FAM168A: variants seen among roughly 807,000 people sequenced by gnomAD.
The protein encoded by FAM168A is family with sequence similarity 168 member A.
FAM168A carries 3 observed loss-of-function variants against 28.5 expected under a neutral mutation model. The ratio of observed to expected loss-of-function variants is 0.11; its 90% CI spans 0.05 to 0.27. The LOEUF (loss-of-function observed/expected upper bound fraction) is 0.27, where lower values mean the gene tolerates loss of function less well. Ranked by LOEUF, FAM168A falls within the 10% of genes least tolerant of loss-of-function variation. The probability of loss-of-function intolerance (pLI) is 1.00; values close to 1 mark genes in which losing one functional copy is unlikely to be tolerated. For synonymous variants in FAM168A, 122 were observed against 124.2 expected, an observed-to-expected ratio of 0.98 and a Z score of 0.12; for missense variants, 222 against 311.5, an observed-to-expected ratio of 0.71 and a Z score of 2.16.
At chr11:73,591,449 AC>A (rs1944381071) in intron 1 of FAM168A, among the ~76,000 whole-genome samples, 1 of 152,186 alleles carries the variant, frequency 6.6e-6, no homozygotes, top group African/African-American at 2.4e-5. Flanking sequence ...AATGTTAGGT[AC>A]CTTTTGTCTT....
intron 1 of FAM168A, among the ~76,000 whole-genome samples, chr11:73,468,937 A>C (rs1044401045): frequency 6.6e-6 from 1 of 152,232 alleles, no homozygotes; most frequent in Non-Finnish European, 1.5e-5. Flanking sequence ...TCTACGGTTC[A>C]CTAGAGGAGC....
At chr11:73,577,319 TTAAC>T (rs140845737) in intron 1 of FAM168A, among the ~76,000 whole-genome samples, 2,029 of 152,342 alleles carry the variant, frequency 0.013, 44 homozygotes, top group African/African-American at 0.045. Flanking sequence ...ACACAGCTAC[TTAAC>T]TAATATCTGA....
chr11:73,517,633 T>C lies in FAM168A; in HGVS notation c.-18-49141A>G, dbSNP rs144482359. Among the ~76,000 whole-genome samples, 889 of 152,290 alleles carry C rather than the reference T, an allele frequency of 5.8e-3. 7 individuals are homozygous for C. Among genetic ancestry groups the C allele is most frequent in the Middle Eastern group, 0.027 (8 of 294 alleles). ...CCTAACATGCAGAAATAAATACTTCTGTCTCTTAAGAGGATCAGGGAAAAA... is the reference window on the plus strand; with the variant it reads ...CCTAACATGCAGAAATAAATACTTCCGTCTCTTAAGAGGATCAGGGAAAAA... On this transcript the variant is annotated intron_variant, in intron 1 of 7. Transcript: ENST00000356467.
At chr11:73,425,490 A>G (rs910563392) in intron 3 of FAM168A, among the ~76,000 whole-genome samples, 4 of 152,262 alleles carry the variant, frequency 2.6e-5, no homozygotes, top group African/African-American at 9.6e-5. Flanking sequence ...GGACCAGTGC[A>G]GAGGCACTCC....
At chr11:73,573,289 G>A (rs1197207538) in intron 1 of FAM168A, among the ~76,000 whole-genome samples, 4 of 152,162 alleles carry the variant, frequency 2.6e-5, no homozygotes, top group Admixed American at 6.5e-5. Flanking sequence ...TCATCATGAC[G>A]GAAGCTACAG....
intron 1 of FAM168A, among the ~76,000 whole-genome samples, chr11:73,527,779 G>GAAA (rs373396307): frequency 7.0e-6 from 1 of 142,404 alleles, no homozygotes. Flanking sequence ...ATGACAAAAC[G>GAAA]AAAAAAAAAA....
chr11:73,593,921 G>T (rs540400259), intron 1 of FAM168A, among the ~76,000 whole-genome samples: 1 of 152,104 alleles, frequency 6.6e-6, no homozygotes. Context: ...TTTTCTCACC[G>T]TATTTGTCTA....
intron 1 of FAM168A, among the ~76,000 whole-genome samples, chr11:73,593,846 G>A (rs985748727): frequency 2.3e-4 from 35 of 152,144 alleles, no homozygotes; most frequent in African/African-American, 8.2e-4. Context: ...ACGTCACACA[G>A]CTAATAGTAA....
At chr11:73,585,785 TG>T (rs771932053) in intron 1 of FAM168A, among the ~76,000 whole-genome samples, 1 of 145,088 alleles carries the variant, frequency 6.9e-6, no homozygotes, top group African/African-American at 2.6e-5. Flanking sequence ...GGAGAATCAC[TG>T]GAACCAGGGA....
chr11:73,494,551 C>A (rs1167265530), intron 1 of FAM168A, among the ~76,000 whole-genome samples: 1 of 152,086 alleles, frequency 6.6e-6, no homozygotes, highest in African/African-American at 2.4e-5. Flanking sequence ...GATGCAGAGG[C>A]CCCAGAACAT....
chr11:73,479,823 T>A (rs1867943874), intron 1 of FAM168A, among the ~76,000 whole-genome samples: 1 of 152,180 alleles, frequency 6.6e-6, no homozygotes, highest in African/African-American at 2.4e-5. Context: ...AATAAACATT[T>A]GTTGACTAGA....
chr11:73,513,081 T>G (rs945360607), intron 1 of FAM168A, among the ~76,000 whole-genome samples: 1 of 152,102 alleles, frequency 6.6e-6, no homozygotes, highest in African/African-American at 2.4e-5. Context: ...CATAAGCTCC[T>G]CAACAGTTTC....
chr11:73,430,374 T>C, intron 3 of FAM168A: 2 of 323,278 alleles, frequency 6.2e-6, no homozygotes, highest in Non-Finnish European at 1.2e-5. Context: ...CAGGGAAAAC[T>C]GAGCAAAGAA....
chr11:73,418,832 G>A (rs185026306), intron 4 of FAM168A, among the ~76,000 whole-genome samples: 16 of 147,726 alleles, frequency 1.1e-4, no homozygotes, highest in African/African-American at 1.5e-4. Context: ...TTTTTGAGAC[G>A]GAGTCTTGTT....
At chr11:73,586,930 A>G (rs1944319374) in intron 1 of FAM168A, among the ~76,000 whole-genome samples, 1 of 152,108 alleles carries the variant, frequency 6.6e-6, no homozygotes, top group South Asian at 2.1e-4. Flanking sequence ...TTCAACTCTA[A>G]AGTTTTTTTA....
intron 1 of FAM168A, among the ~76,000 whole-genome samples, chr11:73,522,736 G>A (rs934772512): frequency 3.3e-5 from 5 of 151,912 alleles, no homozygotes; most frequent in African/African-American, 1.2e-4. Flanking sequence ...AATGAGGCCA[G>A]GCATGGTGGC....
intron 1 of FAM168A, among the ~76,000 whole-genome samples, chr11:73,553,902 T>C (rs1344837377): frequency 2.0e-5 from 3 of 152,076 alleles, no homozygotes; most frequent in South Asian, 2.1e-4. Context: ...GGTGGGAGGA[T>C]AGTTTGAGCC....
chr11:73,465,964 G>GGAGAGA (rs3073508), intron 2 of FAM168A, among the ~76,000 whole-genome samples: 55 of 149,454 alleles, frequency 3.7e-4, no homozygotes, highest in Middle Eastern at 3.4e-3. Flanking sequence ...GCTTTAAAAG[G>GGAGAGA]GAGAGAGAGA....
At position 73,406,413 on chromosome 11, in the gene FAM168A, C is replaced by T. The variant is rs1675182898; in HGVS notation, c.*350G>A. The T allele has an allele frequency of 6.6e-6, 1 of 152,156 alleles. No homozygotes were observed. Among genetic ancestry groups the T allele is most frequent in the Admixed American group, 6.6e-5 (1 of 15,260 alleles). 9.4% of individuals were successfully genotyped at this position (152,156 alleles called of 1,614,324 possible). A position where few individuals can be genotyped will look rare whatever the true frequency, so the allele number is the denominator to read the frequency against. On this transcript the variant is annotated 3_prime_UTR_variant, in exon 8 of 8. Transcript: ENST00000356467. ...AATCCAGCCTTCAGATGAACCACTG[C>T]AATAAACCCTACTCTCTGCTTGCCT...
Sources: gnomAD v4.1 joint callset for allele counts (sites outside exome capture counted in the v4.1 genomes callset) on GRCh38, gnomAD v4.1.1 for gene constraint, MANE v1.5 for transcripts, NCBI Gene and HGNC (gene_info 2026-07-23, HGNC 2026-07-21) for gene names.